AXIN2: variants seen among roughly 807,000 people sequenced by gnomAD.
AXIN2 encodes axin 2, also known as axin-2.
AXIN2 carries 21 observed loss-of-function variants against 74.7 expected under a neutral mutation model. That is an observed-to-expected ratio of 0.28 (90% confidence interval 0.20 to 0.40). The LOEUF is 0.40. AXIN2 is among the 10% of genes least tolerant of loss of function. The pLI, the probability that AXIN2 is intolerant of heterozygous loss-of-function variation, is 1.00. For synonymous variants in AXIN2, 532 were observed against 454.9 expected, an observed-to-expected ratio of 1.17 and a Z score of -2.16; for missense variants, 1,144 against 1,111.1, an observed-to-expected ratio of 1.03 and a Z score of -0.42.
Position 65,558,402 on chromosome 17 carries a change from G to A in AXIN2, c.219C>T (p.Ser73=), listed in dbSNP as rs1292845864. ...GEPEGRASPD[S]PLTRWTKSLH... is the part of the protein sequence containing the mutation. ...AGGACTTGGTCCACCGGGTCAGAGG[G>A]GAATCCGGAGATGCCCGCCCCTCCG... The change falls in exon 2 of 11, where the codon TCC becomes TCT. Residue 73 remains serine, a synonymous_variant. Coordinates refer to ENST00000307078, the MANE Select transcript of AXIN2 (RefSeq NM_004655.4). 9 of 1,604,948 alleles carry A rather than the reference G, an allele frequency of 5.6e-6. No individual in the cohort carries two copies. Among genetic ancestry groups the A allele is most frequent in the Non-Finnish European group, 7.7e-6 (9 of 1,173,716 alleles).
At chr17:65,554,463 C>T (rs1421820956) in intron 2 of AXIN2, among the ~76,000 whole-genome samples, 2 of 152,242 alleles carry the variant, frequency 1.3e-5, no homozygotes, top group Admixed American at 6.5e-5. Context: ...CAGCACTGGG[C>T]AACGGGACCT....
rs549052961 is a variant in AXIN2 at position 65,536,655 on chromosome 17, G to C, written c.1908-102C>G. The stretch of plus-strand genomic sequence containing the variant: ...GAAACTTGTCTATTCTGCTCAGAGA[G>C]AGAGTTAAAAAAAAAACTACCATAA... On this transcript the variant is annotated intron_variant, in intron 7 of 10. Transcript: ENST00000307078. The C allele has an allele frequency of 7.5e-4, 1,076 of 1,440,600 alleles. 9 individuals carry two copies. In the African/African-American group the frequency reaches 0.012, roughly 16 times the overall value. 89.2% of individuals were successfully genotyped at this position (1,440,600 alleles called of 1,614,324 possible).
At chr17:65,534,732 C>T (rs1239387073) in intron 9 of AXIN2, among the ~76,000 whole-genome samples, 1 of 152,092 alleles carries the variant, frequency 6.6e-6, no homozygotes, top group Non-Finnish European at 1.5e-5. Context: ...AGTTTGAGAC[C>T]AGCTTGGCCA....
chr17:65,533,100 C>T (rs1013157129), intron 10 of AXIN2, among the ~76,000 whole-genome samples: 1 of 152,204 alleles, frequency 6.6e-6, no homozygotes, highest in Non-Finnish European at 1.5e-5. Context: ...CTAGGGCTGG[C>T]CCTCATCCTC....
Position 65,545,517 on chromosome 17 carries a change from G to A in AXIN2, c.957-3960C>T, listed in dbSNP as rs113018891. Among the ~76,000 whole-genome samples, 1,428 of 152,172 alleles carry A rather than the reference G, an allele frequency of 9.4e-3. 21 individuals carry two copies. The highest frequency in any genetic ancestry group is 0.032 in the African/African-American group (1,336 of 41,506). On this transcript the variant is annotated intron_variant, in intron 3 of 10. Transcript: ENST00000307078. ...ATCCTGGCCAACATGGTGAAGCCCC[G>A]TCTCAACTAAAAATAGAAAAATTAG...
In AXIN2 at chr17:65,536,845, G is replaced by A. The variant is rs1334747342; in HGVS notation, c.1907+24C>T. 3.7e-6 allele frequency: 6 copies of A among 1,612,054 alleles called. No homozygotes were observed. The highest frequency in any genetic ancestry group is 1.3e-5 in the African/African-American group (1 of 74,860). ...CTGAGTGCCCATGACCCTCGCGGCCGCGGCGGCGGCAAGCGGTGTTTACCT... is the reference window on the plus strand; with the variant it reads ...CTGAGTGCCCATGACCCTCGCGGCCACGGCGGCGGCAAGCGGTGTTTACCT... On this transcript the variant is annotated intron_variant, in intron 7 of 10. Transcript: ENST00000307078.
chr17:65,559,771 G>A (rs2044334854), intron 1 of AXIN2, among the ~76,000 whole-genome samples: 1 of 152,246 alleles, frequency 6.6e-6, no homozygotes, highest in South Asian at 2.1e-4. Context: ...AAACTAAGAA[G>A]GGTAGGGGCT....
intron 3 of AXIN2, among the ~76,000 whole-genome samples, chr17:65,545,152 C>A (rs1567761155): frequency 1.3e-5 from 2 of 152,326 alleles, no homozygotes; most frequent in East Asian, 1.9e-4. Flanking sequence ...CGTAGCTGAT[C>A]CTGATTACAA....
intron 10 of AXIN2, among the ~76,000 whole-genome samples, chr17:65,533,618 C>G (rs147027976): frequency 6.6e-6 from 1 of 152,192 alleles, no homozygotes; most frequent in Non-Finnish European, 1.5e-5. Flanking sequence ...ACTCTCCTGT[C>G]GGTGCAAGCA....
At chr17:65,538,454 G>A in intron 4 of AXIN2, 111 bp from the exon 5 acceptor site, 4 of 1,437,464 alleles carry the variant, frequency 2.8e-6, no homozygotes, top group Admixed American at 1.9e-5. Flanking sequence ...CCATGTTCGG[G>A]TGTAGAGTGG....
chr17:65,534,162 CA>C (rs2043870510), intron 9 of AXIN2, 83 bp from the exon 10 acceptor site: 1 of 1,501,238 alleles, frequency 6.7e-7, no homozygotes, highest in Non-Finnish European at 9.3e-7. Context: ...CGCACATGTG[CA>C]TAAGTGACAG....
intron 4 of AXIN2, among the ~76,000 whole-genome samples, chr17:65,538,656 T>C (rs1485278204): frequency 3.0e-5 from 1 of 33,010 alleles, no homozygotes; most frequent in South Asian, 1.3e-3. Context: ...TCAAAGACTG[T>C]TGTCAACCAT....
intron 8 of AXIN2, 132 bp from the exon 9 acceptor site, chr17:65,535,853 A>G (rs1002442339): frequency 3.7e-6 from 3 of 814,484 alleles, no homozygotes; most frequent in Non-Finnish European, 6.2e-6. Flanking sequence ...CGGAGACCCA[A>G]CCAAGACCCT....
chr17:65,529,992 A>T lies in AXIN2; in HGVS notation c.2516T>A (p.Val839Glu). Reference sequence around the variant, plus strand: ...CCCCAGGGCTCAATCGATCCGCTCCACTTTGCCCAGAATCCGGCCTTCATA... The same window carrying T: ...CCCCAGGGCTCAATCGATCCGCTCCTCTTTGCCCAGAATCCGGCCTTCATA... ...PMYEGRILGKVERID is the reference protein window; with the variant it reads ...PMYEGRILGKEERID Residue 839 changes from valine (V) to glutamate (E), a missense_variant, in exon 11 of 11, where the codon GTG becomes GAG. Val to Glu is a moderately radical substitution (Grantham distance 121). This residue lies in a region of AXIN2 where 65 missense variants were observed against 95.7 expected (regional missense o/e 0.68). Transcript: ENST00000307078. 1 of 1,614,228 alleles carries T rather than the reference A, an allele frequency of 6.2e-7. No homozygotes were observed.
At chr17:65,538,424 A>G in intron 4 of AXIN2, 81 bp from the exon 5 acceptor site, 17 of 1,578,154 alleles carry the variant, frequency 1.1e-5, no homozygotes, top group Non-Finnish European at 1.4e-5. Context: ...TTCCCGCACC[A>G]GGCGCTGTGC....
At chr17:65,550,919 G>A (rs1046522883) in intron 2 of AXIN2, among the ~76,000 whole-genome samples, 2 of 152,142 alleles carry the variant, frequency 1.3e-5, no homozygotes, top group Non-Finnish European at 2.9e-5. Context: ...CTCACGAGGA[G>A]GGGAGAAGGA....
At chr17:65,547,587 A>G (rs2044135006) in intron 3 of AXIN2, among the ~76,000 whole-genome samples, 1 of 152,236 alleles carries the variant, frequency 6.6e-6, no homozygotes, top group Non-Finnish European at 1.5e-5. Context: ...GGGGACTGAC[A>G]TGCAGCCAAG....
chr17:65,561,330 C>T (rs1237061712), intron 1 of AXIN2, 120 bp downstream of exon 1: 8 of 144,958 alleles, frequency 5.5e-5, no homozygotes, highest in African/African-American at 1.2e-4. Context: ...GCCCGGCCTC[C>T]GCCTGGCCGG....
intron 10 of AXIN2, among the ~76,000 whole-genome samples, chr17:65,532,764 C>T (rs373311408): frequency 6.6e-6 from 1 of 152,224 alleles, no homozygotes; most frequent in East Asian, 1.9e-4. Context: ...TCCACTCACA[C>T]CCCTGGCCCT....
Sources: allele counts gnomAD v4.1 joint callset (sites outside exome capture counted in the v4.1 genomes callset), GRCh38; gene constraint gnomAD v4.1.1; regional missense constraint gnomAD v4.1.1; transcripts MANE v1.5; gene names NCBI Gene and HGNC (gene_info 2026-07-23, HGNC 2026-07-21).